Variants in SOX10 observed in about 807,000 individuals in gnomAD.
SOX10 encodes transcription factor SOX-10.
A neutral mutation model predicts 35.0 loss-of-function variants in SOX10; 3 were observed. The observed-to-expected ratio is 0.09, with a 90% CI of 0.04 to 0.22. The LOEUF (loss-of-function observed/expected upper bound fraction) is 0.22, where lower values mean the gene tolerates loss of function less well. SOX10 is among the 10% of genes least tolerant of loss of function. The pLI, the probability that SOX10 is intolerant of heterozygous loss-of-function variation, is 1.00. For missense variants in SOX10, 436 were observed against 655.1 expected (o/e 0.67, Z 3.65); for synonymous variants, 285 against 291.0 (o/e 0.98, Z 0.21).
chr22:37,982,490 G>A (rs559564133), intron 2 of SOX10, among the ~76,000 whole-genome samples: 13 of 152,286 alleles, frequency 8.5e-5, no homozygotes, highest in African/African-American at 3.1e-4. Context: ...CCCTGCGGGG[G>A]ATGTTTTTCC....
At chr22:37,977,778 C>G (rs1352479956) in intron 3 of SOX10, 89 bp downstream of exon 3, 1 of 1,419,198 alleles carries the variant, frequency 7.0e-7, no homozygotes, top group Admixed American at 1.8e-5. Flanking sequence ...CACGCTCTCC[C>G]TAGAGTCCAG....
Position 37,973,912 on chromosome 22 carries a change from A to G in SOX10, c.984T>C (p.Ser328=), listed in dbSNP as rs761676734. The G allele has an allele frequency of 9.9e-6, 16 of 1,610,224 alleles. 1 individual carries two copies. Among genetic ancestry groups the G allele is most frequent in the Admixed American group, 6.7e-5 (4 of 60,012 alleles). ...GCTTGGAGATCCAGGCGGAGTGTCC[A>G]CTGGCCACGGCCAGGGCACTGCCCA... is the stretch of plus-strand genomic sequence containing the variant. The part of the protein sequence containing the change: ...YGLGSALAVA[S]GHSAWISKPP... Residue 328 remains serine, a synonymous_variant, in exon 4 of 4, where the codon AGT becomes AGC. Coordinates refer to ENST00000396884, the MANE Select transcript of SOX10 (RefSeq NM_006941.4).
intron 2 of SOX10, among the ~76,000 whole-genome samples, chr22:37,981,532 G>A (rs899844079): frequency 6.6e-6 from 1 of 152,208 alleles, no homozygotes; most frequent in South Asian, 2.1e-4. Context: ...GGGGAACCTG[G>A]GGACAGGGAC....
chr22:37,977,487 A>C (rs376974278), intron 3 of SOX10, among the ~76,000 whole-genome samples: 14 of 151,684 alleles, frequency 9.2e-5, no homozygotes, highest in African/African-American at 3.4e-4. Flanking sequence ...CGCCCAGCTA[A>C]TTTTTTTTAT....
Position 37,973,509 on chromosome 22 carries a change from G to C in SOX10, c.1387C>G (p.Leu463Val). 6.2e-7 allele frequency: 1 copy of C among 1,604,424 alleles called. No individual in the cohort carries two copies. Residue 463 changes from leucine (L) to valine (V), a missense_variant, in exon 4 of 4, where the codon CTG (leucine) becomes GTG (valine). This residue lies in a region of SOX10 where 285 missense variants were observed against 402.9 expected (regional missense o/e 0.71). Transcript: ENST00000396884. The part of the protein sequence containing the change: ...THWEQPVYTT[L>V]SRP ...CAGGGCCCCCTTTAGGGCCGGGACA[G>C]TGTCGTATATACTGGCTGCTCCCAG...
At position 37,983,907 on chromosome 22, in the gene SOX10, C is replaced by T; in HGVS notation, c.-84-39G>A. The T allele has an allele frequency of 1.2e-6, 1 of 839,248 alleles. No homozygotes were observed. Among genetic ancestry groups the T allele is most frequent in the Non-Finnish European group, 1.6e-6 (1 of 622,928 alleles). The allele number at this position is 839,248 out of a possible 1,614,324, so 52.0% of individuals were successfully genotyped here. On this transcript the variant is annotated intron_variant, in intron 1 of 3. Coordinates refer to ENST00000396884, the MANE Select transcript of SOX10 (RefSeq NM_006941.4). This position sits in a 1 kb window ranked among gnomAD's most constrained non-coding sequence, Gnocchi z 9.5. ...GGGCGCGATGGAGCGGCCGCGCGCGCAGCCCCGAGGGCGGCCCGAGACAGG... is the reference window on the plus strand; with the variant it reads ...GGGCGCGATGGAGCGGCCGCGCGCGTAGCCCCGAGGGCGGCCCGAGACAGG...
At chr22:37,975,165 T>G (rs1382865676) in intron 3 of SOX10, among the ~76,000 whole-genome samples, 1 of 152,226 alleles carries the variant, frequency 6.6e-6, no homozygotes. Flanking sequence ...TAGGGAGCAT[T>G]ACAAAATGCC....
At position 37,983,266 on chromosome 22, in the gene SOX10, G is replaced by A; in HGVS notation, c.428+91C>T. Reference sequence around the variant, plus strand: ...CCAAGGAGGACTGCCAGACAGTCCCGCTCTGAGGTGCAGGAGGCCGGGCCG... The same window carrying A: ...CCAAGGAGGACTGCCAGACAGTCCCACTCTGAGGTGCAGGAGGCCGGGCCG... On this transcript the variant is annotated intron_variant, in intron 2 of 3. Transcript: ENST00000396884. The surrounding 1 kb of genome is among the most constrained non-coding windows in gnomAD (Gnocchi z 9.5). 1 of 1,418,756 alleles carries A rather than the reference G, an allele frequency of 7.0e-7. No homozygotes were observed. Among genetic ancestry groups the A allele is most frequent in the East Asian group, 2.5e-5 (1 of 40,378 alleles). 87.9% of individuals were successfully genotyped at this position (1,418,756 alleles called of 1,614,324 possible). A position where few individuals can be genotyped will look rare whatever the true frequency, so the allele number is the denominator to read the frequency against.
chr22:37,973,181 C>T lies in SOX10; in HGVS notation c.*314G>A, dbSNP rs1932110055. The T allele has an allele frequency of 2.9e-6, 1 of 339,896 alleles. No homozygotes were observed. The allele number at this position is 339,896 out of a possible 1,614,324, so 21.1% of individuals were successfully genotyped here. A position where few individuals can be genotyped will look rare whatever the true frequency, so the allele number is the denominator to read the frequency against. On this transcript the variant is annotated 3_prime_UTR_variant, in exon 4 of 4. Transcript: ENST00000396884. ...GCTTCCCCTCCCCGAGGAGGGTGAG[C>T]AGGCCCTTCTCAGGTCCTGGGATAG...
At position 37,978,199 on chromosome 22, in the gene SOX10, G is replaced by C; in HGVS notation, c.429-64C>G. ...CTGGCGTGAATGCCAGAGCACTCCAGGTTGGCCTCCCTCTGAGTGTCCATC... is the reference window on the plus strand; with the variant it reads ...CTGGCGTGAATGCCAGAGCACTCCACGTTGGCCTCCCTCTGAGTGTCCATC... On this transcript the variant is annotated intron_variant, in intron 2 of 3. Transcript: ENST00000396884. The surrounding 1 kb of genome is among the most constrained non-coding windows in gnomAD (Gnocchi z 5.0). The C allele has an allele frequency of 6.9e-7, 1 of 1,446,176 alleles. No individual in the cohort carries two copies. 89.6% of individuals were successfully genotyped at this position (1,446,176 alleles called of 1,614,324 possible).
chr22:37,983,497 G>T lies in SOX10; in HGVS notation c.288C>A (p.Gly96=), dbSNP rs756889534. 1.1e-5 allele frequency: 18 copies of T among 1,610,876 alleles called. No homozygotes were observed. Among genetic ancestry groups the T allele is most frequent in the East Asian group, 2.2e-5 (1 of 44,784 alleles). ...TLVPMPVRVN[G]ASKSKPHVKR... is the part of the protein sequence containing the mutation. ...TGACGTGCGGCTTGCTTTTGCTGGC[G>T]CCGTTGACGCGCACGGGCATGGGCA... The change falls in exon 2 of 4, where the codon GGC becomes GGA. Residue 96 remains glycine (G), a synonymous_variant. Coordinates refer to ENST00000396884, the MANE Select transcript of SOX10 (RefSeq NM_006941.4). The surrounding 1 kb of genome is among the most constrained non-coding windows in gnomAD (Gnocchi z 9.5).
intron 3 of SOX10, among the ~76,000 whole-genome samples, chr22:37,975,474 A>ATG (rs138654432): frequency 7.3e-5 from 11 of 151,682 alleles, no homozygotes; most frequent in African/African-American, 2.2e-4. Context: ...GGGTCTCCTG[A>ATG]TGTGTGTGTG....
At chr22:37,975,930 A>G (rs914811330) in intron 3 of SOX10, among the ~76,000 whole-genome samples, 2 of 151,888 alleles carry the variant, frequency 1.3e-5, no homozygotes, top group African/African-American at 4.8e-5. Context: ...CTCTCTATAT[A>G]TATACTATAT....
At chr22:37,977,360 G>A (rs1215931978) in intron 3 of SOX10, among the ~76,000 whole-genome samples, 1 of 147,910 alleles carries the variant, frequency 6.8e-6, no homozygotes, top group Non-Finnish European at 1.5e-5. Flanking sequence ...TCGCTCTGTC[G>A]CCCAGGCTGG....
rs1932358324 is a variant in SOX10 at position 37,980,317 on chromosome 22, C to T, written c.429-2182G>A. Among the ~76,000 whole-genome samples, 1 of 152,120 alleles carries T rather than the reference C, an allele frequency of 6.6e-6. No individual in the cohort carries two copies. Among genetic ancestry groups the T allele is most frequent in the Non-Finnish European group, 1.5e-5 (1 of 68,006 alleles). On this transcript the variant is annotated intron_variant, in intron 2 of 3. Coordinates refer to ENST00000396884, the MANE Select transcript of SOX10 (RefSeq NM_006941.4). This position sits in a 1 kb window ranked among gnomAD's most constrained non-coding sequence, Gnocchi z 4.1. ...CCCAACAGAGGGGCTTCTGGGATGG[C>T]TGGGGACATGGGACACAGAGCTCAC... is the stretch of plus-strand genomic sequence containing the variant.
At chr22:37,977,618 C>T (rs1009084192) in intron 3 of SOX10, among the ~76,000 whole-genome samples, 5 of 152,130 alleles carry the variant, frequency 3.3e-5, no homozygotes, top group African/African-American at 1.2e-4. Context: ...CCACACCCGG[C>T]GGCCTCCACA....
intron 2 of SOX10, among the ~76,000 whole-genome samples, chr22:37,982,527 C>G (rs571222847): frequency 3.3e-5 from 5 of 152,114 alleles, no homozygotes; most frequent in Non-Finnish European, 7.4e-5. Context: ...TCCCAGGGAA[C>G]CTGGGACTCT....
chr22:37,973,794 G>C lies in SOX10; in HGVS notation c.1102C>G (p.His368Asp), dbSNP rs569812370. ...TETAGPQGPP[H>D]YTDQPSTSQI... ...GAGGTGGATGGCTGGTCGGTGTAGT[G>C]TGGGGGCCCCTGGGGCCCCGCGGTC... is the stretch of plus-strand genomic sequence containing the variant. The change falls in exon 4 of 4, where the codon CAC (histidine) becomes GAC (aspartate). Residue 368 changes from histidine (H) to aspartate (D), a missense_variant. Around this residue, in one of 3 missense-constraint regions of SOX10, gnomAD observed 285 missense variants for 402.9 expected, o/e 0.71. Transcript: ENST00000396884. 6.3e-7 allele frequency: 1 copy of C among 1,596,484 alleles called. No homozygotes were observed. The highest frequency in any genetic ancestry group is 1.3e-5 in the African/African-American group (1 of 74,446).
intron 3 of SOX10, among the ~76,000 whole-genome samples, chr22:37,976,261 A>G (rs1344272339): frequency 6.6e-6 from 1 of 152,174 alleles, no homozygotes; most frequent in African/African-American, 2.4e-5. Context: ...GAGTCTTACT[A>G]CATTGCCCAT....
Sources: gnomAD v4.1 joint callset for allele counts (sites outside exome capture counted in the v4.1 genomes callset) on GRCh38, gnomAD v4.1.1 for gene constraint, gnomAD v4.1.1 regional missense constraint, Gnocchi (gnomAD v3.1) non-coding constraint, MANE v1.5 for transcripts, NCBI Gene and HGNC (gene_info 2026-07-23, HGNC 2026-07-21) for gene names.